The following DLC1 variants were observed in gnomAD, a reference collection of about 807,000 sequenced individuals.
DLC1 encodes DLC1 Rho GTPase activating protein.
Under a neutral mutation model 140.3 loss-of-function variants are expected in DLC1, and 54 were observed. The ratio of observed to expected loss-of-function variants is 0.38; its 90% confidence interval spans 0.31 to 0.48. The LOEUF (loss-of-function observed/expected upper bound fraction) is 0.48. DLC1 is among the 20% of genes least tolerant of loss of function. DLC1 has a pLI of 0.96. For synonymous variants in DLC1, 986 were observed against 728.1 expected (o/e 1.35, Z -5.70); for missense variants, 2,536 against 1,907.0 (o/e 1.33, Z -6.14).
At chr8:13,221,724 G>GTATATATATATATATATA (rs1311540477) in intron 5 of DLC1, among the ~76,000 whole-genome samples, 11 of 132,966 alleles carry the variant, frequency 8.3e-5, no homozygotes, top group African/African-American at 3.2e-4. Flanking sequence ...GTGTGTGTGT[G>GTATATATATATATATATA]TGTATATATA....
chr8:13,456,240 G>A (rs578027974), intron 2 of DLC1, among the ~76,000 whole-genome samples: 88 of 152,206 alleles, frequency 5.8e-4, no homozygotes, highest in African/African-American at 2.0e-3. Flanking sequence ...ATTGCTGTAT[G>A]ATTTCTCTGT....
chr8:13,468,118 A>G (rs1234915843), intron 2 of DLC1, among the ~76,000 whole-genome samples: 6 of 152,212 alleles, frequency 3.9e-5, no homozygotes, highest in African/African-American at 7.2e-5. Flanking sequence ...TTATTTATAG[A>G]AGAATTTTAA....
intron 5 of DLC1, among the ~76,000 whole-genome samples, chr8:13,143,196 C>G (rs1287078144): frequency 6.6e-6 from 1 of 152,054 alleles, no homozygotes; most frequent in Non-Finnish European, 1.5e-5. Flanking sequence ...ATATTAAGAA[C>G]AAACAAAAAA....
intron 5 of DLC1, among the ~76,000 whole-genome samples, chr8:13,119,657 AT>A (rs1348839763): frequency 2.0e-5 from 3 of 152,184 alleles, no homozygotes. Flanking sequence ...CTCCTTAAAA[AT>A]GAGCTTTCTG....
chr8:13,188,703 T>C (rs7824580), intron 5 of DLC1, among the ~76,000 whole-genome samples: 100,114 of 143,098 alleles, frequency 0.7, 35,528 homozygotes, highest in East Asian at 0.87. Context: ...CAACTGGGTT[T>C]CAGTTCAAAC....
At chr8:13,525,915 A>T (rs1227317823) in intron 1 of DLC1, among the ~76,000 whole-genome samples, 2 of 152,108 alleles carry the variant, frequency 1.3e-5, no homozygotes, top group South Asian at 4.1e-4. Context: ...GATCACAAAG[A>T]TTTCTCCTAC....
chr8:13,227,726 C>A (rs1828863328), intron 5 of DLC1, among the ~76,000 whole-genome samples: 1 of 152,154 alleles, frequency 6.6e-6, no homozygotes, highest in Middle Eastern at 3.2e-3. Context: ...AATTAAGTTT[C>A]TGGATTCCTG....
intron 4 of DLC1, among the ~76,000 whole-genome samples, chr8:13,330,551 T>C (rs1376645974): frequency 1.3e-5 from 2 of 152,146 alleles, no homozygotes; most frequent in African/African-American, 4.8e-5. Context: ...TAGATAATTA[T>C]ATAGGCCAGC....
intron 5 of DLC1, among the ~76,000 whole-genome samples, chr8:13,186,803 C>G (rs541504425): frequency 1.9e-4 from 29 of 152,306 alleles, no homozygotes; most frequent in Non-Finnish European, 2.9e-4. Context: ...TACCTTTGGA[C>G]TTTGATGTTG....
At chr8:13,190,451 T>TTC (rs970208016) in intron 5 of DLC1, among the ~76,000 whole-genome samples, 2 of 152,082 alleles carry the variant, frequency 1.3e-5, no homozygotes, top group Non-Finnish European at 2.9e-5. Context: ...GCAGACAGTA[T>TTC]TCTCTCTCTC....
intron 5 of DLC1, among the ~76,000 whole-genome samples, chr8:13,209,880 C>A (rs1475613264): frequency 1.3e-5 from 2 of 152,118 alleles, no homozygotes; most frequent in East Asian, 1.9e-4. Context: ...GCCAATTAAA[C>A]CTCTTTTTTT....
intron 5 of DLC1, among the ~76,000 whole-genome samples, chr8:13,164,792 T>C (rs575638913): frequency 2.0e-5 from 3 of 152,356 alleles, no homozygotes; most frequent in Admixed American, 6.5e-5. Flanking sequence ...TCAATGGCAT[T>C]GTACTAAAAT....
At position 13,453,420 on chromosome 8, in the gene DLC1, A is replaced by G. The variant is rs192588881; in HGVS notation, c.1023+45629T>C. Among the ~76,000 whole-genome samples the G allele has an allele frequency of 3.1e-3, 70 of 22,670 alleles. 1 individual carries two copies. Among genetic ancestry groups the G allele is most frequent in the Non-Finnish European group, 4.0e-3 (50 of 12,608 alleles). 14.9% of individuals were successfully genotyped at this position (22,670 alleles called of 152,430 possible). A position where few individuals can be genotyped will look rare whatever the true frequency, so the allele number is the denominator to read the frequency against. ...TATATATGTGTATATATATATATATATATGTGTATATATATATGTATATAT... is the reference window on the plus strand; with the variant it reads ...TATATATGTGTATATATATATATATGTATGTGTATATATATATGTATATAT... On this transcript the variant is annotated intron_variant, in intron 2 of 17. Coordinates refer to ENST00000276297, the MANE Select transcript of DLC1 (RefSeq NM_182643.3).
chr8:13,554,434 C>T (rs897835553), intron 1 of DLC1, among the ~76,000 whole-genome samples: 1 of 152,152 alleles, frequency 6.6e-6, no homozygotes. Context: ...GACTTATGTA[C>T]TGAAATACCT....
intron 2 of DLC1, among the ~76,000 whole-genome samples, chr8:13,466,209 C>T (rs1052527132): frequency 9.9e-5 from 15 of 152,196 alleles, no homozygotes; most frequent in African/African-American, 3.6e-4. Flanking sequence ...CCAATAAAGG[C>T]CATCATCCAC....
intron 1 of DLC1, among the ~76,000 whole-genome samples, chr8:13,598,917 T>TA (rs989513469): frequency 8.6e-5 from 13 of 151,592 alleles, no homozygotes; most frequent in African/African-American, 2.4e-4. Context: ...TTATTCTAAA[T>TA]AAAAAAATGA....
chr8:13,496,786 C>CTTT (rs869192950), intron 2 of DLC1, among the ~76,000 whole-genome samples: 11 of 23,474 alleles, frequency 4.7e-4, no homozygotes, highest in African/African-American at 1.3e-3. Flanking sequence ...AGACCATTTC[C>CTTT]TTTTTTTTTT....
intron 4 of DLC1, among the ~76,000 whole-genome samples, chr8:13,330,633 C>A (rs1833545965): frequency 6.6e-6 from 1 of 152,178 alleles, no homozygotes; most frequent in Non-Finnish European, 1.5e-5. Flanking sequence ...TATCATGAAG[C>A]TGTGGTCTCT....
chr8:13,232,874 C>CT lies in DLC1; in HGVS notation c.1348+72394dup, dbSNP rs796460093. On this transcript the variant is annotated intron_variant, in intron 5 of 17. Transcript: ENST00000276297. Reference sequence around the variant, plus strand: ...ACATTGTTTCTTTTGATAGATTCAACTTTTTTTGTAAAAACACAAAGTAAA... The same window carrying CT: ...ACATTGTTTCTTTTGATAGATTCAACTTTTTTTTGTAAAAACACAAAGTAAA... 8.5e-5 allele frequency among the ~76,000 whole-genome samples: 13 copies of CT among 152,262 alleles called. No individual in the cohort carries two copies. The South Asian group carries it at 1.5e-3, about 17-fold the overall frequency.
Sources: allele counts gnomAD v4.1 joint callset (sites outside exome capture counted in the v4.1 genomes callset), GRCh38; gene constraint gnomAD v4.1.1; transcripts MANE v1.5; gene names NCBI Gene and HGNC (gene_info 2026-07-23, HGNC 2026-07-21).